SFSWAP: variants seen among roughly 807,000 people sequenced by gnomAD.
SFSWAP encodes the protein splicing factor, suppressor of white-apricot homolog.
In SFSWAP, 17 loss-of-function variants were observed where a neutral mutation model predicts 100.7. The ratio of observed to expected loss-of-function variants is 0.17; its 90% CI spans 0.12 to 0.25. The LOEUF is 0.25. SFSWAP is among the 10% of genes least tolerant of loss of function. The pLI is 1.00. For missense variants in SFSWAP, 1,005 were observed against 1,262.6 expected (o/e 0.80, Z 3.09); for synonymous variants, 504 against 510.1 (o/e 0.99, Z 0.16).
intron 15 of SFSWAP, among the ~76,000 whole-genome samples, chr12:131,786,890 C>G (rs974478408): frequency 2.0e-5 from 3 of 152,210 alleles, no homozygotes; most frequent in Non-Finnish European, 2.9e-5. Flanking sequence ...TGCTGCCCCT[C>G]TACCTGCTGG....
chr12:131,768,961 A>G (rs1446536459), intron 13 of SFSWAP, among the ~76,000 whole-genome samples: 1 of 152,138 alleles, frequency 6.6e-6, no homozygotes, highest in Admixed American at 6.5e-5. Context: ...CCTCGTCTCT[A>G]CTAAAAATAC....
intron 12 of SFSWAP, among the ~76,000 whole-genome samples, chr12:131,765,243 A>G (rs1388296276): frequency 6.6e-6 from 1 of 152,270 alleles, no homozygotes; most frequent in Non-Finnish European, 1.5e-5. Flanking sequence ...TCTGCTCTGC[A>G]TTAAAGCAGT....
At chr12:131,755,217 G>A (rs1011914908) in intron 9 of SFSWAP, among the ~76,000 whole-genome samples, 169 bp from the exon 10 acceptor site, 11 of 152,140 alleles carry the variant, frequency 7.2e-5, no homozygotes, top group Non-Finnish European at 1.5e-4. Context: ...CCGGGCAAGC[G>A]ATTTCGACCC....
At chr12:131,788,147 T>C (rs1396789780) in intron 15 of SFSWAP, among the ~76,000 whole-genome samples, 1 of 152,238 alleles carries the variant, frequency 6.6e-6, no homozygotes, top group Non-Finnish European at 1.5e-5. Context: ...TTGCTTTGCC[T>C]TCACATTAAC....
At chr12:131,786,727 C>A in intron 15 of SFSWAP, 139 bp downstream of exon 15, 1 of 849,518 alleles carries the variant, frequency 1.2e-6, no homozygotes, top group Non-Finnish European at 1.8e-6. Flanking sequence ...CACCCCCCCA[C>A]CCCCAGTGGC....
In SFSWAP at chr12:131,797,199, G is replaced by T; in HGVS notation, c.2556G>T (p.Lys852Asn). The change falls in exon 16 of 18, where the codon AAG becomes AAT. Residue 852 changes from lysine (K) to asparagine (N), a missense_variant. This residue lies in a region of SFSWAP where 295 missense variants were observed against 347.9 expected (regional missense o/e 0.85). Transcript: ENST00000261674. ...TCAGAAGTCCCCACGAGAAGAAGAA[G>T]AAGAGGCGGTCCCGGTCGCGGACCA... is the stretch of plus-strand genomic sequence containing the variant. Reference protein sequence around the residue: ...TRSRSPHEKKKKRRSRSRTKS... With the variant: ...TRSRSPHEKKNKRRSRSRTKS... The T allele has an allele frequency of 6.2e-7, 1 of 1,610,650 alleles. No individual in the cohort carries two copies. The highest frequency in any genetic ancestry group is 8.5e-7 in the Non-Finnish European group (1 of 1,179,666).
intron 9 of SFSWAP, among the ~76,000 whole-genome samples, chr12:131,754,720 A>G (rs1882001669): frequency 7.9e-6 from 1 of 127,130 alleles, no homozygotes; most frequent in Non-Finnish European, 1.5e-5. Flanking sequence ...TGTAACCTCT[A>G]CCTCCTGGGC....
intron 15 of SFSWAP, among the ~76,000 whole-genome samples, chr12:131,795,270 C>G (rs1489319499): frequency 3.9e-5 from 6 of 152,196 alleles, no homozygotes; most frequent in Admixed American, 2.6e-4. Context: ...CAGGTCCCGC[C>G]TTGTTTGAAT....
intron 13 of SFSWAP, among the ~76,000 whole-genome samples, chr12:131,774,865 C>G (rs2136250120): frequency 6.6e-6 from 1 of 152,166 alleles, no homozygotes; most frequent in African/African-American, 2.4e-5. Context: ...GAGCCCTAGT[C>G]TTTAAGCACA....
Position 131,711,162 on chromosome 12 carries a change from C to A in SFSWAP, c.-68C>A. 1 of 1,295,848 alleles carries A rather than the reference C, an allele frequency of 7.7e-7. No homozygotes were observed. The highest frequency in any genetic ancestry group is 1.1e-6 in the Non-Finnish European group (1 of 951,402). The allele number at this position is 1,295,848 out of a possible 1,614,324, so 80.3% of individuals were successfully genotyped here. ...CGGGGTCTTTGACTGAAGGGGTAGG[C>A]CAAGTGGAGGTATCAGGGACGTCGC... On this transcript the variant is annotated 5_prime_UTR_variant, in exon 1 of 18. Transcript: ENST00000261674. This position sits in a 1 kb window ranked among gnomAD's most constrained non-coding sequence, Gnocchi z 4.9.
At chr12:131,713,894 A>G in intron 1 of SFSWAP, 177 bp from the exon 2 acceptor site, 1 of 424,714 alleles carries the variant, frequency 2.4e-6, no homozygotes, top group South Asian at 6.6e-5. Context: ...TAGGTGAGAT[A>G]TGACTATCCA....
intron 15 of SFSWAP, 26 bp downstream of exon 15, chr12:131,786,614 T>C (rs1295537054): frequency 1.9e-6 from 3 of 1,576,020 alleles, no homozygotes; most frequent in African/African-American, 1.3e-5. Flanking sequence ...TGCACGCAGG[T>C]GCTGGATGTG....
chr12:131,711,581 TC>T lies in SFSWAP; in HGVS notation c.218+138del. 1 of 700,974 alleles carries T rather than the reference TC, an allele frequency of 1.4e-6. No individual in the cohort carries two copies. The highest frequency in any genetic ancestry group is 2.4e-6 in the Non-Finnish European group (1 of 416,046). 43.4% of individuals were successfully genotyped at this position (700,974 alleles called of 1,614,324 possible). The stretch of plus-strand genomic sequence containing the variant: ...GATCTGGGGGACACCCCCTCCCCTG[TC>T]CCCACCTCCTCCTGGTGTTCTGGTG... On this transcript the variant is annotated intron_variant, in intron 1 of 17. Transcript: ENST00000261674. The surrounding 1 kb of genome is among the most constrained non-coding windows in gnomAD (Gnocchi z 4.9).
At chr12:131,758,936 A>C (rs1461420123) in intron 11 of SFSWAP, among the ~76,000 whole-genome samples, 1 of 152,112 alleles carries the variant, frequency 6.6e-6, no homozygotes, top group Admixed American at 6.5e-5. Flanking sequence ...AATTAAATTA[A>C]ATTAGCCAGG....
At chr12:131,793,935 G>A (rs960035583) in intron 15 of SFSWAP, among the ~76,000 whole-genome samples, 2 of 152,018 alleles carry the variant, frequency 1.3e-5, no homozygotes, top group African/African-American at 2.4e-5. Context: ...CGGGCCCAGC[G>A]GCTGCGCTCT....
intron 7 of SFSWAP, among the ~76,000 whole-genome samples, chr12:131,742,890 G>T (rs1316017048): frequency 6.6e-6 from 1 of 152,154 alleles, no homozygotes; most frequent in Non-Finnish European, 1.5e-5. Flanking sequence ...GTTCCACATG[G>T]CTGGGGAGGC....
rs946737856 is a variant in SFSWAP, at chr12:131,720,877, A to G, written c.606+1338A>G. Among the ~76,000 whole-genome samples the G allele has an allele frequency of 6.5e-4, 99 of 152,112 alleles. 2 individuals carry two copies. Among genetic ancestry groups the G allele is most frequent in the Non-Finnish European group, 2.1e-4 (14 of 68,032 alleles). ...TTTGCCTAGTATAATTACTACTTGT[A>G]TTGGTCTGTTCTCACACAGCTATAA... On this transcript the variant is annotated intron_variant, in intron 4 of 17. Transcript: ENST00000261674.
At chr12:131,759,641 TA>T (rs548736561) in intron 11 of SFSWAP, among the ~76,000 whole-genome samples, 5 of 147,840 alleles carry the variant, frequency 3.4e-5, no homozygotes, top group African/African-American at 5.0e-5. Context: ...CTACTAAAAA[TA>T]AAAAAAAAAT....
At chr12:131,786,639 G>C in intron 15 of SFSWAP, 51 bp downstream of exon 15, 1 of 1,545,016 alleles carries the variant, frequency 6.5e-7, no homozygotes, top group Non-Finnish European at 8.7e-7. Context: ...AGGTTTCCCT[G>C]GGTGGAAAGG....
Sources: allele counts gnomAD v4.1 joint callset (sites outside exome capture counted in the v4.1 genomes callset), GRCh38; gene constraint gnomAD v4.1.1; regional missense constraint gnomAD v4.1.1; non-coding constraint Gnocchi (gnomAD v3.1); transcripts MANE v1.5; gene names NCBI Gene and HGNC (gene_info 2026-07-23, HGNC 2026-07-21).